Variants in ADAM7 observed in about 807,000 individuals in gnomAD.
The protein encoded by ADAM7 is disintegrin and metalloproteinase domain-containing protein 7.
A neutral mutation model predicts 102.9 loss-of-function variants in ADAM7; 97 were observed. That is an observed-to-expected ratio of 0.94 (90% CI 0.80 to 1.12). The LOEUF (loss-of-function observed/expected upper bound fraction) is 1.12. Among genes scored for constraint, ADAM7 ranks in the 50% most tolerant of loss-of-function variants. The probability of loss-of-function intolerance (pLI) is 0.00; values close to 1 mark genes in which losing one functional copy is unlikely to be tolerated. For synonymous variants in ADAM7, 334 were observed against 304.4 expected, an observed-to-expected ratio of 1.10 and a Z score of -1.01; for missense variants, 991 against 908.7, an observed-to-expected ratio of 1.09 and a Z score of -1.16.
chr8:24,508,754 G>A lies in ADAM7; in HGVS notation c.*208G>A. ...TTCACACCCTCTATCATAAACATATGCTGCAGAAAAAAAATGTCTTGTGGT... is the reference window on the plus strand; with the variant it reads ...TTCACACCCTCTATCATAAACATATACTGCAGAAAAAAAATGTCTTGTGGT... On this transcript the variant is annotated 3_prime_UTR_variant, in exon 22 of 22. Coordinates refer to ENST00000175238, the MANE Select transcript of ADAM7 (RefSeq NM_003817.4). The A allele has an allele frequency of 7.4e-7, 1 of 1,359,072 alleles. No homozygotes were observed. The highest frequency in any genetic ancestry group is 9.5e-7 in the Non-Finnish European group (1 of 1,053,976). 84.2% of individuals were successfully genotyped at this position (1,359,072 alleles called of 1,614,324 possible).
At chr8:24,453,296 C>T (rs6981634) in intron 3 of ADAM7, among the ~76,000 whole-genome samples, 20,845 of 152,026 alleles carry the variant, frequency 0.14, 1,626 homozygotes, top group Non-Finnish European at 0.18. Context: ...ACCAATCAGA[C>T]GTAGATTTGG....
In ADAM7 at chr8:24,500,899, C is replaced by T. The variant is rs760735924; in HGVS notation, c.2108+4C>T. The T allele has an allele frequency of 8.1e-6, 13 of 1,599,806 alleles. No individual in the cohort carries two copies. The highest frequency in any genetic ancestry group is 1.3e-5 in the African/African-American group (1 of 74,406). Reference sequence around the variant, plus strand: ...TCAAGTTGAAGCAAGTTCAGAGGTACATTTACATTTTTCTATGTGTTGAAG... The same window carrying T: ...TCAAGTTGAAGCAAGTTCAGAGGTATATTTACATTTTTCTATGTGTTGAAG... On this transcript the variant is annotated splice_donor_region_variant and intron_variant, in intron 19 of 21. Transcript: ENST00000175238.
chr8:24,495,139 A>T (rs2129393700), intron 16 of ADAM7, among the ~76,000 whole-genome samples: 1 of 152,304 alleles, frequency 6.6e-6, no homozygotes, highest in East Asian at 1.9e-4. Flanking sequence ...TCTCTTCCAT[A>T]ACAGGAATGG....
intron 20 of ADAM7, among the ~76,000 whole-genome samples, chr8:24,506,995 G>A (rs559509207): frequency 5.3e-5 from 8 of 152,058 alleles, no homozygotes; most frequent in African/African-American, 1.7e-4. Context: ...TAGTTGATTA[G>A]TTTCTAATCT....
At chr8:24,495,011 A>G (rs376841418) in intron 16 of ADAM7, among the ~76,000 whole-genome samples, 1 of 152,144 alleles carries the variant, frequency 6.6e-6, no homozygotes, top group Non-Finnish European at 1.5e-5. Context: ...GTGGAGGCTT[A>G]TGGGGAGTCA....
chr8:24,460,368 T>C lies in ADAM7; in HGVS notation c.234-3514T>C, dbSNP rs530045726. Among the ~76,000 whole-genome samples, 241 of 152,166 alleles carry C rather than the reference T, an allele frequency of 1.6e-3. 1 individual carries two copies. The highest frequency in any genetic ancestry group is 5.6e-3 in the African/African-American group (232 of 41,538). On this transcript the variant is annotated intron_variant, in intron 3 of 21. Transcript: ENST00000175238. ...GTTATTATTTTTTAATAGGTTAACATTTAATGTTAATGTTACCGTTCCTAT... is the reference window on the plus strand; with the variant it reads ...GTTATTATTTTTTAATAGGTTAACACTTAATGTTAATGTTACCGTTCCTAT...
intron 3 of ADAM7, among the ~76,000 whole-genome samples, chr8:24,451,521 C>CT (rs1818788541): frequency 6.6e-6 from 1 of 152,126 alleles, no homozygotes; most frequent in Non-Finnish European, 1.5e-5. Context: ...TTTATTGCGT[C>CT]TATTTGATTC....
At chr8:24,506,233 G>A (rs1820946602) in intron 20 of ADAM7, 3 of 1,218,636 alleles carry the variant, frequency 2.5e-6, no homozygotes, top group Non-Finnish European at 2.3e-6. Flanking sequence ...TTAATCATTT[G>A]TTGGTTCCTT....
chr8:24,445,925 T>C (rs1282278501), intron 2 of ADAM7, among the ~76,000 whole-genome samples: 1 of 152,186 alleles, frequency 6.6e-6, no homozygotes, highest in Non-Finnish European at 1.5e-5. Flanking sequence ...CTCCTTGTAA[T>C]ATCCCTGGCA....
At chr8:24,465,174 G>C (rs928581409) in intron 4 of ADAM7, among the ~76,000 whole-genome samples, 6 of 152,118 alleles carry the variant, frequency 3.9e-5, no homozygotes, top group African/African-American at 1.4e-4. Context: ...TTATGCAGGG[G>C]GTGGGTTATT....
chr8:24,475,944 TAC>T (rs1306866158), intron 7 of ADAM7: 1 of 456,438 alleles, frequency 2.2e-6, no homozygotes, highest in East Asian at 6.9e-5. Context: ...AAGGGGTAGC[TAC>T]AGTTTCCTGT....
Position 24,493,066 on chromosome 8 carries a change from A to T in ADAM7, c.1679A>T (p.Tyr560Phe). 6.3e-7 allele frequency: 1 copy of T among 1,599,020 alleles called. No homozygotes were observed. The highest frequency in any genetic ancestry group is 8.5e-7 in the Non-Finnish European group (1 of 1,175,050). The change falls in exon 16 of 22, where the codon TAC (tyrosine) becomes TTC (phenylalanine). Residue 560 changes from tyrosine (Y) to phenylalanine (F), a missense_variant. Physicochemically the swap from Tyr to Phe is conservative, Grantham distance 22. Coordinates refer to ENST00000175238, the MANE Select transcript of ADAM7 (RefSeq NM_003817.4). Reference sequence around the variant, plus strand: ...AGAGATGTCAGATGTGGAAAGATCTACTGCACTGGAGGGGAGCTTTCCTCT... The same window carrying T: ...AGAGATGTCAGATGTGGAAAGATCTTCTGCACTGGAGGGGAGCTTTCCTCT... ...EEKDVRCGKI[Y>F]CTGGELSSLL...
At chr8:24,501,397 T>C in intron 19 of ADAM7, 80 bp from the exon 20 acceptor site, 1 of 1,031,588 alleles carries the variant, frequency 9.7e-7, no homozygotes, top group African/African-American at 1.7e-5. Flanking sequence ...TAAAAATTAC[T>C]AAAGCTTACT....
In ADAM7 at chr8:24,491,994, A is replaced by G. The variant is rs779123261; in HGVS notation, c.1448A>G (p.Asp483Gly). The G allele has an allele frequency of 1.9e-6, 3 of 1,613,984 alleles. No homozygotes were observed. The South Asian group carries it at 3.3e-5, about 18-fold the overall frequency. ...GGCCACTCGCCTGCCTGTCCTAAGG[A>G]CCAGTTCAGGGTCAATGGATTTCCT... ...CTGHSPACPK[D>G]QFRVNGFPCK... The change falls in exon 14 of 22, where the codon GAC becomes GGC. Residue 483 changes from aspartate (D) to glycine (G), a missense_variant. Transcript: ENST00000175238.
At chr8:24,496,341 G>C (rs1820552128) in intron 16 of ADAM7, among the ~76,000 whole-genome samples, 1 of 152,240 alleles carries the variant, frequency 6.6e-6, no homozygotes. Flanking sequence ...ATCTCTGCTA[G>C]GGCAGTGTAG....
intron 8 of ADAM7, among the ~76,000 whole-genome samples, chr8:24,478,106 G>T (rs1379880436): frequency 6.6e-6 from 1 of 152,118 alleles, no homozygotes; most frequent in African/African-American, 2.4e-5. Context: ...TTGTAGGCAG[G>T]AAGTCTGGGT....
chr8:24,442,370 C>T, intron 1 of ADAM7, 103 bp from the exon 2 acceptor site: 1 of 810,968 alleles, frequency 1.2e-6, no homozygotes, highest in Non-Finnish European at 2.2e-6. Context: ...TCCATGGCTG[C>T]TAACTGGGGG....
chr8:24,482,892 A>T (rs1820009056), intron 9 of ADAM7, among the ~76,000 whole-genome samples: 1 of 152,144 alleles, frequency 6.6e-6, no homozygotes, highest in Non-Finnish European at 1.5e-5. Context: ...GTGCTTTTAG[A>T]ATCCATGTTA....
At chr8:24,471,407 A>G (rs1819598023) in intron 7 of ADAM7, among the ~76,000 whole-genome samples, 1 of 151,870 alleles carries the variant, frequency 6.6e-6, no homozygotes, top group African/African-American at 2.4e-5. Context: ...ACTCGTCCAG[A>G]GAAACCTCCA....
Sources: allele counts gnomAD v4.1 joint callset (sites outside exome capture counted in the v4.1 genomes callset), GRCh38; gene constraint gnomAD v4.1.1; transcripts MANE v1.5; gene names NCBI Gene and HGNC (gene_info 2026-07-23, HGNC 2026-07-21).